The following LUZP1 variants were observed in gnomAD, a reference collection of about 807,000 sequenced individuals.
The protein encoded by LUZP1 is leucine zipper protein 1, also known as filamin mechanobinding actin cross-linking protein.
Under a neutral mutation model 71.3 loss-of-function variants are expected in LUZP1, and 25 were observed. That is an observed-to-expected ratio of 0.35 (90% CI 0.26 to 0.49). The LOEUF (loss-of-function observed/expected upper bound fraction) is 0.49. Among genes scored for constraint, LUZP1 ranks in the 20% least tolerant of loss-of-function variants. The pLI, the probability that LUZP1 is intolerant of heterozygous loss-of-function variation, is 0.99. For missense variants in LUZP1, 1,142 were observed against 1,300.8 expected, an observed-to-expected ratio of 0.88 and a Z score of 1.88; for synonymous variants, 481 against 506.4, an observed-to-expected ratio of 0.95 and a Z score of 0.67.
At chr1:23,109,987 G>T (rs575047981) in intron 2 of LUZP1, among the ~76,000 whole-genome samples, 1 of 152,234 alleles carries the variant, frequency 6.6e-6, no homozygotes, top group South Asian at 2.1e-4. Flanking sequence ...TACCAACCCT[G>T]AGCACTATGC....
Position 23,093,313 on chromosome 1 carries a change from A to C in LUZP1, c.949T>G (p.Ser317Ala), listed in dbSNP as rs12091554. The change falls in exon 4 of 5, where the codon TCC (serine) becomes GCC (alanine). Residue 317 changes from serine (S) to alanine (A), a missense_variant. Ser to Ala is a moderately conservative substitution (Grantham distance 99). Coordinates refer to ENST00000302291, the Ensembl canonical transcript of LUZP1. The surrounding 1 kb of genome is among the most constrained non-coding windows in gnomAD (Gnocchi z 4.2). ...TTATCCTGAAGGTCGTTATTTTTGG[A>C]CTTCATTTTCTTAAGCTCTTCTTCC... 13,373 of 1,609,246 alleles carry C rather than the reference A, an allele frequency of 8.3e-3. 931 individuals are homozygous for C. The African/African-American group carries it at 0.15, about 18-fold the overall frequency.
At chr1:23,131,514 T>A (rs1644215004) in intron 2 of LUZP1, among the ~76,000 whole-genome samples, 1 of 152,140 alleles carries the variant, frequency 6.6e-6, no homozygotes, top group South Asian at 2.1e-4. Flanking sequence ...AATTTTGAGT[T>A]CTGTTCACCA....
chr1:23,171,216 C>A (rs962808881), intron 1 of LUZP1, among the ~76,000 whole-genome samples: 1 of 151,742 alleles, frequency 6.6e-6, no homozygotes, highest in Admixed American at 6.6e-5. Context: ...AACAATCCAC[C>A]TAATCATTTC....
intron 2 of LUZP1, among the ~76,000 whole-genome samples, chr1:23,152,135 T>A (rs1052001380): frequency 6.6e-6 from 1 of 152,170 alleles, no homozygotes; most frequent in South Asian, 2.1e-4. Flanking sequence ...TATTGGTTAC[T>A]GTTGTTAATA....
rs989230075 is a variant in LUZP1, at chr1:23,113,661, C to T, written c.-225-4534G>A. On this transcript the variant is annotated intron_variant, in intron 2 of 4. Coordinates refer to ENST00000302291, the Ensembl canonical transcript of LUZP1. ...CTTTGGGTGGCCGAGGCAGGCGGAT[C>T]ACGAGATCAGGAGATCGGGACCATT... Among the ~76,000 whole-genome samples the T allele has an allele frequency of 5.9e-5, 9 of 152,210 alleles. No homozygotes were observed. The East Asian group carries it at 1.7e-3, about 29-fold the overall frequency.
At chr1:23,131,663 C>G (rs1297885983) in intron 2 of LUZP1, among the ~76,000 whole-genome samples, 2 of 151,638 alleles carry the variant, frequency 1.3e-5, no homozygotes, top group Non-Finnish European at 2.9e-5. Flanking sequence ...GTTTCCTGCT[C>G]CTATTTATTC....
chr1:23,122,472 T>G (rs1386760336), intron 2 of LUZP1, among the ~76,000 whole-genome samples: 1 of 152,166 alleles, frequency 6.6e-6, no homozygotes, highest in African/African-American at 2.4e-5. Flanking sequence ...CAGCAGCAGC[T>G]TGCCCCTTCC....
chr1:23,124,488 C>CT lies in LUZP1; in HGVS notation c.-225-15362dup, dbSNP rs1644155949. Among the ~76,000 whole-genome samples the CT allele has an allele frequency of 3.3e-5, 5 of 152,216 alleles. No homozygotes were observed. The South Asian group carries it at 1.0e-3, about 32-fold the overall frequency. ...AAACCAACTCTCTGTGAATTCTCCTCTGTTGCTTTGTGGTGTGACTCAGGG... is the reference window on the plus strand; with the variant it reads ...AAACCAACTCTCTGTGAATTCTCCTCTTGTTGCTTTGTGGTGTGACTCAGGG... On this transcript the variant is annotated intron_variant, in intron 2 of 4. Coordinates refer to ENST00000302291, the Ensembl canonical transcript of LUZP1.
chr1:23,172,844 T>A (rs1196113668), intron 1 of LUZP1, among the ~76,000 whole-genome samples: 1 of 150,780 alleles, frequency 6.6e-6, no homozygotes, highest in Non-Finnish European at 1.5e-5. Context: ...TTTATTTTTA[T>A]TTTTTTTGAG....
At chr1:23,153,958 C>G (rs1644402427) in intron 2 of LUZP1, among the ~76,000 whole-genome samples, 1 of 152,102 alleles carries the variant, frequency 6.6e-6, no homozygotes, top group South Asian at 2.1e-4. Flanking sequence ...AATAAACAAA[C>G]TATAATACAT....
At chr1:23,157,334 TA>T (rs112337098) in intron 2 of LUZP1, among the ~76,000 whole-genome samples, 3 of 148,914 alleles carry the variant, frequency 2.0e-5, no homozygotes, top group Admixed American at 6.7e-5. Flanking sequence ...CCTGTCTCAA[TA>T]AAAAAAAAAT....
chr1:23,121,887 C>T (rs1010056705), intron 2 of LUZP1, among the ~76,000 whole-genome samples: 1 of 152,150 alleles, frequency 6.6e-6, no homozygotes, highest in African/African-American at 2.4e-5. Flanking sequence ...TGGCGCACGC[C>T]TGTAATCTCA....
At chr1:23,139,388 T>G (rs1478083985) in intron 2 of LUZP1, among the ~76,000 whole-genome samples, 1 of 152,058 alleles carries the variant, frequency 6.6e-6, no homozygotes, top group East Asian at 1.9e-4. Context: ...GAAGGAGGTA[T>G]AGGTGACCCT....
intron 2 of LUZP1, among the ~76,000 whole-genome samples, chr1:23,151,867 T>C (rs569826648): frequency 1.3e-5 from 2 of 152,104 alleles, no homozygotes; most frequent in South Asian, 2.1e-4. Flanking sequence ...CTGGGCATGG[T>C]AGCACATACC....
chr1:23,131,305 G>C (rs1047424445), intron 2 of LUZP1, among the ~76,000 whole-genome samples: 1 of 145,222 alleles, frequency 6.9e-6, no homozygotes, highest in African/African-American at 2.5e-5. Context: ...GGCAGCTACT[G>C]CCTCCTAATT....
intron 2 of LUZP1, among the ~76,000 whole-genome samples, chr1:23,140,121 G>A (rs769030083): frequency 6.6e-6 from 1 of 151,530 alleles, no homozygotes; most frequent in East Asian, 1.9e-4. Flanking sequence ...GTTTCCTCCA[G>A]GAGTCCAAGA....
chr1:23,084,660 C>A (rs1199579831), exon 5 of LUZP1: 5 of 152,202 alleles, frequency 3.3e-5, no homozygotes, highest in Admixed American at 1.3e-4. Context: ...TTTATTCTTT[C>A]TTACTGTGAG....
intron 2 of LUZP1, among the ~76,000 whole-genome samples, chr1:23,135,833 A>C (rs1644249169): frequency 6.6e-6 from 1 of 152,254 alleles, no homozygotes; most frequent in Admixed American, 6.5e-5. Flanking sequence ...ATTAGGGATC[A>C]GAATTTGGAG....
chr1:23,114,183 T>C (rs1251821809), intron 2 of LUZP1, among the ~76,000 whole-genome samples: 2 of 152,188 alleles, frequency 1.3e-5, no homozygotes, highest in African/African-American at 4.8e-5. Flanking sequence ...TTTTCTGTTA[T>C]CAGAAAAATT....
Sources: gnomAD v4.1 joint callset for allele counts (sites outside exome capture counted in the v4.1 genomes callset) on GRCh38, gnomAD v4.1.1 for gene constraint, Gnocchi (gnomAD v3.1) non-coding constraint, MANE v1.5 for transcripts, NCBI Gene and HGNC (gene_info 2026-07-23, HGNC 2026-07-21) for gene names.